The following DENND1B variants were observed in gnomAD, a reference collection of about 807,000 sequenced individuals.
The protein encoded by DENND1B is DENN domain containing 1B, also known as DENN domain-containing protein 1B.
Under a neutral mutation model 90.1 loss-of-function variants are expected in DENND1B, and 59 were observed. That is an observed-to-expected ratio of 0.65 (90% confidence interval 0.53 to 0.81). DENND1B has a LOEUF of 0.81. DENND1B is among the 40% of genes least tolerant of loss of function. The pLI is 0.00. For synonymous variants in DENND1B, 337 were observed against 324.6 expected (o/e 1.04, Z -0.41); for missense variants, 862 against 912.6 (o/e 0.94, Z 0.71).
intron 11 of DENND1B, among the ~76,000 whole-genome samples, chr1:197,614,031 CTTTTTT>C (rs34399290): frequency 7.3e-6 from 1 of 137,086 alleles, no homozygotes; most frequent in Non-Finnish European, 1.6e-5. Flanking sequence ...TCTAGGAAAA[CTTTTTT>C]TTTTTTTTTT....
chr1:197,689,377 G>A (rs1657610097), intron 3 of DENND1B: 1 of 151,992 alleles, frequency 6.6e-6, no homozygotes, highest in African/African-American at 2.4e-5. Flanking sequence ...TCTCTCACCA[G>A]GTCCCTCCCA....
At chr1:197,595,614 T>C (rs1675616614) in intron 13 of DENND1B, among the ~76,000 whole-genome samples, 2 of 152,118 alleles carry the variant, frequency 1.3e-5, no homozygotes, top group Admixed American at 6.6e-5. Flanking sequence ...AATAAACTGC[T>C]TGTGAGCCAC....
At chr1:197,760,387 C>T (rs1428471366) in intron 2 of DENND1B, among the ~76,000 whole-genome samples, 1 of 152,136 alleles carries the variant, frequency 6.6e-6, no homozygotes, top group African/African-American at 2.4e-5. Context: ...TAGTGGCTCA[C>T]ACCTATAATC....
Position 197,727,217 on chromosome 1 carries a change from C to G in DENND1B, c.83-12143G>C, listed in dbSNP as rs191075391. 4.1e-4 allele frequency among the ~76,000 whole-genome samples: 62 copies of G among 152,228 alleles called. No individual in the cohort carries two copies. The East Asian group carries it at 0.011, about 26-fold the overall frequency. On this transcript the variant is annotated intron_variant, in intron 2 of 22. Transcript: ENST00000620048. ...CATGCTTACTAATAATTAAGTCCTA[C>G]AGTAATTTTCACCCATTTTTCTTAA...
At chr1:197,767,169 T>C (rs1432438257) in intron 2 of DENND1B, among the ~76,000 whole-genome samples, 1 of 152,048 alleles carries the variant, frequency 6.6e-6, no homozygotes, top group African/African-American at 2.4e-5. Flanking sequence ...AGAATACAAA[T>C]TAATAAGTTC....
chr1:197,595,410 A>C, intron 13 of DENND1B, 77 bp from the exon 14 acceptor site: 2 of 1,562,304 alleles, frequency 1.3e-6, no homozygotes, highest in Non-Finnish European at 1.7e-6. Context: ...TCAGCAGGCA[A>C]ACCACAGTGT....
At chr1:197,526,280 A>C (rs1007130115) in intron 20 of DENND1B, among the ~76,000 whole-genome samples, 2 of 152,094 alleles carry the variant, frequency 1.3e-5, no homozygotes, top group African/African-American at 4.8e-5. Flanking sequence ...ACAAACTTTA[A>C]AAGCAGCTCT....
chr1:197,768,900 T>C (rs954465543), intron 2 of DENND1B, among the ~76,000 whole-genome samples: 2 of 151,730 alleles, frequency 1.3e-5, no homozygotes, highest in African/African-American at 4.8e-5. Flanking sequence ...CTGAAACAAG[T>C]CCAAATAGCA....
intron 2 of DENND1B, among the ~76,000 whole-genome samples, chr1:197,719,213 A>T (rs994817373): frequency 2.6e-5 from 4 of 152,178 alleles, no homozygotes; most frequent in African/African-American, 9.7e-5. Context: ...AGTAGAGGAA[A>T]GTAAAGGTAG....
In DENND1B at chr1:197,583,156, T is replaced by C; in HGVS notation, c.1145A>G (p.Lys382Arg). 1 of 1,613,754 alleles carries C rather than the reference T, an allele frequency of 6.2e-7. No homozygotes were observed. Among genetic ancestry groups the C allele is most frequent in the Non-Finnish European group, 8.5e-7 (1 of 1,179,718 alleles). The change falls in exon 15 of 23, where the codon AAG (lysine) becomes AGG (arginine). Residue 382 changes from lysine to arginine, a missense_variant. By Grantham distance (26) the Lys-to-Arg change is conservative. Coordinates refer to ENST00000620048, the MANE Select transcript of DENND1B (RefSeq NM_001195215.2). ...LETAINLQLF[K>R]QFIDGRLAKL... ...AATGTGGAGGTCCACTCTTACCTGC[T>C]TAAAAAGCTGGAGGTTAATGGCAGT...
chr1:197,688,070 T>A (rs990775799), intron 3 of DENND1B, among the ~76,000 whole-genome samples: 7 of 151,950 alleles, frequency 4.6e-5, no homozygotes, highest in African/African-American at 1.7e-4. Flanking sequence ...TCATTTACTA[T>A]AAGATCAAAA....
chr1:197,615,957 G>C (rs907331544), intron 11 of DENND1B, among the ~76,000 whole-genome samples: 6 of 150,886 alleles, frequency 4.0e-5, no homozygotes, highest in Non-Finnish European at 8.9e-5. Context: ...TATGGCAGGG[G>C]TAGAAACGAT....
chr1:197,559,669 T>A (rs956498410), intron 15 of DENND1B, among the ~76,000 whole-genome samples: 3 of 151,932 alleles, frequency 2.0e-5, no homozygotes, highest in African/African-American at 7.2e-5. Context: ...ATAAACTAAT[T>A]TCTTATGAAT....
chr1:197,557,463 C>A (rs1671807243), intron 15 of DENND1B, among the ~76,000 whole-genome samples: 1 of 151,814 alleles, frequency 6.6e-6, no homozygotes, highest in Non-Finnish European at 1.5e-5. Flanking sequence ...ACTGATTATG[C>A]ATTTTTGAGT....
At chr1:197,623,572 T>A (rs1234752250) in intron 10 of DENND1B, among the ~76,000 whole-genome samples, 1 of 151,548 alleles carries the variant, frequency 6.6e-6, no homozygotes, top group Non-Finnish European at 1.5e-5. Context: ...TTGTACATTT[T>A]TTAAAAATAG....
intron 2 of DENND1B, among the ~76,000 whole-genome samples, chr1:197,744,375 G>A (rs1663508447): frequency 2.0e-5 from 3 of 152,064 alleles, no homozygotes; most frequent in Non-Finnish European, 2.9e-5. Context: ...AATTACTCTT[G>A]GATCCATGGG....
At chr1:197,733,926 TTAAAA>T (rs1383095392) in intron 2 of DENND1B, 1 of 324,252 alleles carries the variant, frequency 3.1e-6, no homozygotes. Context: ...ATACGTGCTC[TTAAAA>T]TAATACACAG....
In DENND1B at chr1:197,664,192, A is replaced by C. The variant is rs567023534; in HGVS notation, c.297-5823T>G. On this transcript the variant is annotated intron_variant, in intron 5 of 22. Coordinates refer to ENST00000620048, the MANE Select transcript of DENND1B (RefSeq NM_001195215.2). ...ATTATCAATAAGGTAAAATGTTAAA[A>C]TGTTTTTCACTAAATTTTACAGTCC... 2.0e-5 allele frequency among the ~76,000 whole-genome samples: 3 copies of C among 152,166 alleles called. No individual in the cohort carries two copies. In the South Asian group the frequency reaches 6.2e-4, roughly 32 times the overall value.
chr1:197,669,563 T>G (rs1655283483), intron 5 of DENND1B, among the ~76,000 whole-genome samples: 1 of 152,126 alleles, frequency 6.6e-6, no homozygotes, highest in Admixed American at 6.6e-5. Flanking sequence ...TGCTGGTTAT[T>G]CTCTAAATCA....
Sources: gnomAD v4.1 joint callset for allele counts (sites outside exome capture counted in the v4.1 genomes callset) on GRCh38, gnomAD v4.1.1 for gene constraint, MANE v1.5 for transcripts, NCBI Gene and HGNC (gene_info 2026-07-23, HGNC 2026-07-21) for gene names.